The following KCNIP4 variants were observed in gnomAD, a reference collection of about 807,000 sequenced individuals.
KCNIP4 encodes Kv channel-interacting protein 4.
A neutral mutation model predicts 34.0 loss-of-function variants in KCNIP4; 12 were observed. That is an observed-to-expected ratio of 0.35 (90% CI 0.23 to 0.57). The LOEUF (loss-of-function observed/expected upper bound fraction) is 0.57, where lower values mean the gene tolerates loss of function less well. Ranked by LOEUF, KCNIP4 falls within the 20% of genes least tolerant of loss-of-function variation. The pLI, the probability that KCNIP4 is intolerant of heterozygous loss-of-function variation, is 0.83. For missense variants in KCNIP4, 238 were observed against 311.7 expected (o/e 0.76, Z 1.78); for synonymous variants, 124 against 102.2 (o/e 1.21, Z -1.29).
intron 1 of KCNIP4, among the ~76,000 whole-genome samples, chr4:21,360,071 A>G (rs16870916): frequency 0.037 from 5,555 of 152,158 alleles, 239 homozygotes; most frequent in East Asian, 0.2. Flanking sequence ...ACTGAGCTCT[A>G]CTGTGCGTGT....
At chr4:21,293,548 CCA>C (rs1307575890) in intron 1 of KCNIP4, among the ~76,000 whole-genome samples, 1 of 152,056 alleles carries the variant, frequency 6.6e-6, no homozygotes, top group African/African-American at 2.4e-5. Context: ...GTCTAAATGG[CCA>C]CAGAGATAGG....
intron 1 of KCNIP4, among the ~76,000 whole-genome samples, chr4:21,324,333 C>A (rs901111542): frequency 1.4e-4 from 21 of 152,032 alleles, no homozygotes; most frequent in Admixed American, 1.1e-3. Flanking sequence ...ATTCTAATGT[C>A]CTGGGGAATT....
intron 1 of KCNIP4, among the ~76,000 whole-genome samples, chr4:21,667,366 T>C (rs778420785): frequency 2.0e-5 from 3 of 152,234 alleles, no homozygotes; most frequent in Non-Finnish European, 4.4e-5. Context: ...ATCTCTCACA[T>C]GCTCTGCTAG....
intron 1 of KCNIP4, among the ~76,000 whole-genome samples, chr4:21,532,126 G>A (rs896191806): frequency 1.5e-4 from 23 of 152,056 alleles, no homozygotes; most frequent in African/African-American, 4.3e-4. Flanking sequence ...AAACGAAGTC[G>A]CTGTGATAGA....
At chr4:21,732,748 A>T (rs775357639) in intron 1 of KCNIP4, among the ~76,000 whole-genome samples, 1 of 152,142 alleles carries the variant, frequency 6.6e-6, no homozygotes, top group Admixed American at 6.6e-5. Flanking sequence ...GGGGAAGGAG[A>T]ATACCAGTGC....
rs558385236 is a variant in KCNIP4, at chr4:21,422,167, A to G, written c.61+526404T>C. Among the ~76,000 whole-genome samples, 7 of 151,510 alleles carry G rather than the reference A, an allele frequency of 4.6e-5. No individual in the cohort carries two copies. The East Asian group carries it at 9.8e-4, about 21-fold the overall frequency. ...AGATGCCGAAATTACAGACAGAAGT[A>G]TTTTATATTATAAAATTTCTGCAGC... On this transcript the variant is annotated intron_variant, in intron 1 of 8. Coordinates refer to ENST00000382152, the MANE Select transcript of KCNIP4 (RefSeq NM_025221.6).
intron 1 of KCNIP4, among the ~76,000 whole-genome samples, chr4:21,462,962 G>A (rs1729599882): frequency 6.6e-6 from 1 of 151,486 alleles, no homozygotes; most frequent in South Asian, 2.1e-4. Flanking sequence ...ATTGTGAATA[G>A]TGTTGCAACA....
intron 1 of KCNIP4, among the ~76,000 whole-genome samples, chr4:21,138,152 T>C (rs1279571019): frequency 6.6e-6 from 1 of 152,104 alleles, no homozygotes; most frequent in Non-Finnish European, 1.5e-5. Flanking sequence ...TGCTGAGTCA[T>C]TGCCATCTAC....
At chr4:21,728,695 G>A (rs1715376680) in intron 1 of KCNIP4, among the ~76,000 whole-genome samples, 1 of 151,934 alleles carries the variant, frequency 6.6e-6, no homozygotes. Context: ...CTTCACTCTG[G>A]ATCACACAGA....
chr4:21,157,531 C>T (rs1753232684), intron 1 of KCNIP4, among the ~76,000 whole-genome samples: 1 of 151,914 alleles, frequency 6.6e-6, no homozygotes, highest in Admixed American at 6.6e-5. Context: ...AGATAGTGAT[C>T]TCGGAGATAC....
intron 1 of KCNIP4, among the ~76,000 whole-genome samples, chr4:21,263,007 C>A (rs1050040327): frequency 6.6e-6 from 1 of 152,156 alleles, no homozygotes; most frequent in African/African-American, 2.4e-5. Context: ...CCTTCCTGGT[C>A]CCCCTGTTCA....
At position 21,436,190 on chromosome 4, in the gene KCNIP4, A is replaced by G. The variant is rs768650854; in HGVS notation, c.61+512381T>C. 5.9e-5 allele frequency among the ~76,000 whole-genome samples: 9 copies of G among 152,296 alleles called. No homozygotes were observed. The South Asian group carries it at 1.0e-3, about 18-fold the overall frequency. The stretch of plus-strand genomic sequence containing the variant: ...AGATGAGCTCAATGTCAAGAAAATC[A>G]TGTGTTTGCATTTGGATAGTCTTAC... On this transcript the variant is annotated intron_variant, in intron 1 of 8. Coordinates refer to ENST00000382152, the MANE Select transcript of KCNIP4 (RefSeq NM_025221.6).
At chr4:21,677,809 G>A (rs1038009867) in intron 1 of KCNIP4, among the ~76,000 whole-genome samples, 6 of 152,170 alleles carry the variant, frequency 3.9e-5, no homozygotes, top group Non-Finnish European at 8.8e-5. Context: ...GAGTGCAGCG[G>A]CACGATGTTG....
At chr4:21,577,069 A>G (rs752986384) in intron 1 of KCNIP4, among the ~76,000 whole-genome samples, 3 of 152,128 alleles carry the variant, frequency 2.0e-5, no homozygotes, top group African/African-American at 4.8e-5. Context: ...ATACCACCCC[A>G]TAAATGAATA....
chr4:20,823,418 T>A lies in KCNIP4; in HGVS notation c.288+27125A>T, dbSNP rs1040547788. 2.6e-5 allele frequency among the ~76,000 whole-genome samples: 4 copies of A among 152,210 alleles called. No individual in the cohort carries two copies. The South Asian group carries it at 6.2e-4, about 24-fold the overall frequency. On this transcript the variant is annotated intron_variant, in intron 3 of 8. Transcript: ENST00000382152. ...TATGATGATCATGTTATGGAGTGAA[T>A]GAGTGTGTGTGTCCCCTAACAGTCA...
intron 1 of KCNIP4, among the ~76,000 whole-genome samples, chr4:21,537,666 T>A (rs1057213973): frequency 7.2e-5 from 11 of 152,122 alleles, no homozygotes; most frequent in African/African-American, 2.7e-4. Context: ...AGTCATACTG[T>A]ATTAGAGAGG....
intron 1 of KCNIP4, among the ~76,000 whole-genome samples, chr4:21,598,156 T>A (rs188375118): frequency 6.6e-6 from 1 of 152,138 alleles, no homozygotes; most frequent in African/African-American, 2.4e-5. Flanking sequence ...GTTTTATGCA[T>A]AAACAGTGTT....
intron 1 of KCNIP4, among the ~76,000 whole-genome samples, chr4:21,747,893 A>C (rs2109139533): frequency 6.6e-6 from 1 of 152,244 alleles, no homozygotes; most frequent in African/African-American, 2.4e-5. Context: ...TGTTTTTACA[A>C]GACGCAAAAA....
chr4:21,652,329 G>C (rs948927406), intron 1 of KCNIP4, among the ~76,000 whole-genome samples: 12 of 152,066 alleles, frequency 7.9e-5, no homozygotes, highest in African/African-American at 1.4e-4. Context: ...AGAGTGTCAG[G>C]CTCTTTGGCC....
Sources: gnomAD v4.1 joint callset for allele counts (sites outside exome capture counted in the v4.1 genomes callset) on GRCh38, gnomAD v4.1.1 for gene constraint, MANE v1.5 for transcripts, NCBI Gene and HGNC (gene_info 2026-07-23, HGNC 2026-07-21) for gene names.